EFCAB13: variants seen among roughly 807,000 people sequenced by gnomAD.
The protein encoded by EFCAB13 is EF-hand calcium binding domain 13.
In EFCAB13, 91 loss-of-function variants were observed where a neutral mutation model predicts 110.2. That is an observed-to-expected ratio of 0.83 (90% CI 0.70 to 0.98). The LOEUF (loss-of-function observed/expected upper bound fraction) is 0.98. EFCAB13 is among the 50% of genes least tolerant of loss of function. EFCAB13 has a pLI of 0.00. For synonymous variants in EFCAB13, 323 were observed against 369.9 expected, an observed-to-expected ratio of 0.87 and a Z score of 1.45; for missense variants, 968 against 1,119.4, an observed-to-expected ratio of 0.86 and a Z score of 1.93.
intron 11 of EFCAB13, among the ~76,000 whole-genome samples, chr17:47,371,062 G>GTTTTTTTTTTTTTTTTTTTTTTT (rs779767798): frequency 9.2e-6 from 1 of 108,994 alleles, no homozygotes; most frequent in Non-Finnish European, 1.8e-5. Context: ...TTTAATGGTT[G>GTTTTTTTTTTTTTTTTTTTTTTT]TTTTTTTTTT....
chr17:47,407,811 G>T (rs1282482166), intron 20 of EFCAB13, among the ~76,000 whole-genome samples: 1 of 152,090 alleles, frequency 6.6e-6, no homozygotes, highest in Non-Finnish European at 1.5e-5. Context: ...TGGTCCAAAT[G>T]TTTGATATTA....
intron 10 of EFCAB13, among the ~76,000 whole-genome samples, chr17:47,367,773 C>T (rs2065556136): frequency 6.6e-6 from 1 of 152,232 alleles, no homozygotes; most frequent in South Asian, 2.1e-4. Context: ...TTTAACCAGT[C>T]CTCTCATCAA....
chr17:47,365,326 A>G (rs925291154), intron 10 of EFCAB13, among the ~76,000 whole-genome samples: 6 of 152,228 alleles, frequency 3.9e-5, no homozygotes, highest in Non-Finnish European at 7.3e-5. Flanking sequence ...TCTTCATTTT[A>G]TCATATGAAT....
chr17:47,349,452 C>T (rs988667453), intron 9 of EFCAB13, among the ~76,000 whole-genome samples: 1 of 152,080 alleles, frequency 6.6e-6, no homozygotes, highest in Non-Finnish European at 1.5e-5. Context: ...CAGTACTAGT[C>T]CCATAGCATT....
chr17:47,433,407 T>G (rs771630123), intron 24 of EFCAB13, among the ~76,000 whole-genome samples: 1 of 151,428 alleles, frequency 6.6e-6, no homozygotes, highest in African/African-American at 2.4e-5. Flanking sequence ...ATGCAAGTCA[T>G]AAAGTTTAGC....
At chr17:47,351,299 G>A (rs1738229088) in intron 9 of EFCAB13, among the ~76,000 whole-genome samples, 1 of 107,366 alleles carries the variant, frequency 9.3e-6, no homozygotes. Context: ...GTGTGTGTGT[G>A]TGTGTGCGCG....
intron 4 of EFCAB13, among the ~76,000 whole-genome samples, chr17:47,333,708 G>A (rs1005442516): frequency 1.3e-5 from 2 of 152,146 alleles, no homozygotes; most frequent in Admixed American, 6.5e-5. Context: ...CCCATTGTGT[G>A]TACTTGGCAC....
chr17:47,376,746 T>C (rs1414350552), intron 12 of EFCAB13, among the ~76,000 whole-genome samples: 1 of 152,232 alleles, frequency 6.6e-6, no homozygotes, highest in Non-Finnish European at 1.5e-5. Flanking sequence ...TCTTTTTCAA[T>C]TCCAGGATCT....
intron 16 of EFCAB13, among the ~76,000 whole-genome samples, chr17:47,395,301 CCTAA>C (rs1050618583): frequency 2.6e-5 from 4 of 152,190 alleles, no homozygotes; most frequent in Admixed American, 6.5e-5. Context: ...GCTGGCTCTT[CCTAA>C]CTGTCTAATC....
chr17:47,397,570 C>G (rs1459766109), intron 17 of EFCAB13, among the ~76,000 whole-genome samples: 2 of 150,566 alleles, frequency 1.3e-5, no homozygotes, highest in African/African-American at 4.9e-5. Flanking sequence ...AAGTGAGGAG[C>G]GCCTCTTCCC....
chr17:47,408,624 T>C (rs893823016), intron 20 of EFCAB13, among the ~76,000 whole-genome samples: 2 of 152,026 alleles, frequency 1.3e-5, no homozygotes, highest in African/African-American at 4.8e-5. Flanking sequence ...TGCACTCCAG[T>C]CGGGGCGACA....
chr17:47,423,575 T>C, intron 23 of EFCAB13: 1 of 319,344 alleles, frequency 3.1e-6, no homozygotes, highest in East Asian at 4.9e-5. Flanking sequence ...GGGAACGCCT[T>C]TGTGCCCGGT....
chr17:47,387,252 T>A (rs1394619763), intron 14 of EFCAB13, among the ~76,000 whole-genome samples: 1 of 152,216 alleles, frequency 6.6e-6, no homozygotes, highest in Non-Finnish European at 1.5e-5. Context: ...CTGGAGAATG[T>A]TCGATGTGCT....
At chr17:47,360,726 C>G (rs2065508154) in intron 9 of EFCAB13, among the ~76,000 whole-genome samples, 1 of 152,064 alleles carries the variant, frequency 6.6e-6, no homozygotes, top group African/African-American at 2.4e-5. Context: ...ATGGTAATGC[C>G]TAGGTTTTCT....
intron 20 of EFCAB13, among the ~76,000 whole-genome samples, chr17:47,408,620 C>T (rs1000520790): frequency 1.3e-5 from 2 of 152,272 alleles, no homozygotes; most frequent in South Asian, 4.2e-4. Context: ...TCATTGCACT[C>T]CAGTCGGGGC....
At chr17:47,421,121 G>A (rs1286972409) in intron 23 of EFCAB13, among the ~76,000 whole-genome samples, 1 of 151,964 alleles carries the variant, frequency 6.6e-6, no homozygotes, top group African/African-American at 2.4e-5. Context: ...CCTCTGCCCG[G>A]CCACCACCCC....
chr17:47,340,100 G>A (rs2065375466), intron 5 of EFCAB13: 1 of 152,150 alleles, frequency 6.6e-6, no homozygotes, highest in Non-Finnish European at 1.5e-5. Flanking sequence ...TTAAGTCTAT[G>A]CGTTCAAAAT....
intron 24 of EFCAB13, among the ~76,000 whole-genome samples, chr17:47,437,214 G>C (rs1052518719): frequency 2.0e-5 from 3 of 152,044 alleles, no homozygotes; most frequent in Admixed American, 2.0e-4. Context: ...TCCATGAGCT[G>C]TGAATAGAAT....
At chr17:47,417,358 T>C (rs1904483458) in intron 23 of EFCAB13, among the ~76,000 whole-genome samples, 1 of 152,244 alleles carries the variant, frequency 6.6e-6, no homozygotes, top group Non-Finnish European at 1.5e-5. Flanking sequence ...TCTGACGTTA[T>C]TGGCTTTTCA....
Sources: allele counts gnomAD v4.1 joint callset (sites outside exome capture counted in the v4.1 genomes callset), GRCh38; gene constraint gnomAD v4.1.1; transcripts MANE v1.5; gene names NCBI Gene and HGNC (gene_info 2026-07-23, HGNC 2026-07-21).